GDAP2: variants seen among roughly 807,000 people sequenced by gnomAD.
GDAP2 encodes ganglioside-induced differentiation-associated protein 2.
Under a neutral mutation model 67.0 loss-of-function variants are expected in GDAP2, and 51 were observed. The ratio of observed to expected loss-of-function variants is 0.76; its 90% CI spans 0.61 to 0.96. The LOEUF is 0.96. Among genes scored for constraint, GDAP2 ranks in the 40% least tolerant of loss-of-function variants. The pLI, the probability that GDAP2 is intolerant of heterozygous loss-of-function variation, is 0.00. For missense variants in GDAP2, 547 were observed against 588.3 expected (o/e 0.93, Z 0.73); for synonymous variants, 203 against 207.3 (o/e 0.98, Z 0.18).
intron 13 of GDAP2, among the ~76,000 whole-genome samples, chr1:117,874,070 T>TGCAGCACTAATATGTAAAGTTACTGTA (rs1648378497): frequency 6.6e-6 from 1 of 152,192 alleles, no homozygotes; most frequent in Non-Finnish European, 1.5e-5. Flanking sequence ...GCCAAAGACC[T>TGCAGCACTAATATGTAAAGTTACTGTA]GCAGCACTAA....
chr1:117,926,889 T>C (rs1650462767), intron 1 of GDAP2, among the ~76,000 whole-genome samples: 1 of 152,092 alleles, frequency 6.6e-6, no homozygotes, highest in Admixed American at 6.5e-5. Context: ...CAGTAATCTA[T>C]AGCCACAGCC....
At chr1:117,924,097 A>G (rs1183112638) in intron 1 of GDAP2, among the ~76,000 whole-genome samples, 4 of 152,182 alleles carry the variant, frequency 2.6e-5, no homozygotes, top group Admixed American at 2.6e-4. Context: ...GGAGGCACAT[A>G]ATTTCGAGTC....
chr1:117,925,852 A>T (rs555722202), intron 1 of GDAP2, among the ~76,000 whole-genome samples: 1 of 152,128 alleles, frequency 6.6e-6, no homozygotes, highest in Non-Finnish European at 1.5e-5. Flanking sequence ...CTTCCCTCCA[A>T]CTCAAAATCA....
intron 5 of GDAP2, among the ~76,000 whole-genome samples, chr1:117,908,102 CTT>C (rs1649723068): frequency 6.6e-6 from 1 of 151,964 alleles, no homozygotes; most frequent in Admixed American, 6.6e-5. Context: ...CCACCATTCT[CTT>C]CTTTTGGTGA....
At chr1:117,877,636 T>C in intron 13 of GDAP2, 2 of 1,000,918 alleles carry the variant, frequency 2.0e-6, no homozygotes, top group Non-Finnish European at 2.4e-6. Flanking sequence ...TTGCAATTAA[T>C]TCTAAAAGTG....
At chr1:117,887,827 A>C in intron 8 of GDAP2, 53 bp from the exon 9 acceptor site, 1 of 1,036,782 alleles carries the variant, frequency 9.6e-7, no homozygotes, top group Non-Finnish European at 1.5e-6. Flanking sequence ...AATTAAATTT[A>C]CAAATGGGAC....
chr1:117,920,358 G>T lies in GDAP2; in HGVS notation c.-1C>A. The T allele has an allele frequency of 6.3e-7, 1 of 1,583,124 alleles. No individual in the cohort carries two copies. The highest frequency in any genetic ancestry group is 8.6e-7 in the Non-Finnish European group (1 of 1,164,896). On this transcript the variant is annotated 5_prime_UTR_variant, in exon 2 of 14. Transcript: ENST00000369443. Reference sequence around the variant, plus strand: ...GGGAAGGTGCACCTAAGGGATCCATGGAATGGGAACTTTGATTTGTCTTTT... The same window carrying T: ...GGGAAGGTGCACCTAAGGGATCCATTGAATGGGAACTTTGATTTGTCTTTT...
rs1191575666 is a variant in GDAP2 at position 117,917,608 on chromosome 1, C to T, written c.316+989G>A. 3.3e-5 allele frequency among the ~76,000 whole-genome samples: 5 copies of T among 152,198 alleles called. No individual in the cohort carries two copies. The East Asian group carries it at 9.6e-4, about 29-fold the overall frequency. ...AAGCTCAGACTCAGAGGTGAAGTAA[C>T]CAGTCTTAAGTCACACAGTTATTAA... On this transcript the variant is annotated intron_variant, in intron 3 of 13. Coordinates refer to ENST00000369443, the MANE Select transcript of GDAP2 (RefSeq NM_017686.4).
chr1:117,883,636 T>C lies in GDAP2; in HGVS notation c.1108-9A>G, dbSNP rs1234651911. The C allele has an allele frequency of 4.4e-6, 7 of 1,590,064 alleles. No homozygotes were observed. Among genetic ancestry groups the C allele is most frequent in the African/African-American group, 1.3e-5 (1 of 74,302 alleles). On this transcript the variant is annotated splice_polypyrimidine_tract_variant and intron_variant, in intron 10 of 13. Coordinates refer to ENST00000369443, the MANE Select transcript of GDAP2 (RefSeq NM_017686.4). ...ATGAAATATAAGAGAGCCTAAAAGA[T>C]AAAAGGGGAATAAAGGTGAAGATCA...
At chr1:117,897,053 A>G (rs1259095930) in intron 7 of GDAP2, 64 bp from the exon 8 acceptor site, 15 of 1,167,386 alleles carry the variant, frequency 1.3e-5, no homozygotes, top group Non-Finnish European at 1.8e-5. Flanking sequence ...AACATTGTGA[A>G]TGCTGCAGTA....
At chr1:117,921,643 C>T (rs533143916) in intron 1 of GDAP2, among the ~76,000 whole-genome samples, 1 of 152,114 alleles carries the variant, frequency 6.6e-6, no homozygotes, top group African/African-American at 2.4e-5. Context: ...GAGGGAAAAA[C>T]CAGAGGATAC....
At position 117,865,313 on chromosome 1, in the gene GDAP2, A is replaced by G. The variant is rs142164585; in HGVS notation, c.*5256T>C. ...TTTCACTATTGATTCTTCATAGGCT[A>G]TATTTGTATAGAGTGAGACCCTCTT... On this transcript the variant is annotated 3_prime_UTR_variant, in exon 14 of 14. Coordinates refer to ENST00000369443, the MANE Select transcript of GDAP2 (RefSeq NM_017686.4). The G allele has an allele frequency of 1.3e-5, 2 of 152,346 alleles. No homozygotes were observed. The highest frequency in any genetic ancestry group is 1.9e-4 in the East Asian group (1 of 5,182). 9.4% of individuals were successfully genotyped at this position (152,346 alleles called of 1,614,324 possible). A position where few individuals can be genotyped will look rare whatever the true frequency, so the allele number is the denominator to read the frequency against.
Position 117,868,307 on chromosome 1 carries a change from T to C in GDAP2, c.*2262A>G, listed in dbSNP as rs1440355694. 1 of 152,098 alleles carries C rather than the reference T, an allele frequency of 6.6e-6. No individual in the cohort carries two copies. The highest frequency in any genetic ancestry group is 6.6e-5 in the Admixed American group (1 of 15,262). The allele number at this position is 152,098 out of a possible 1,614,324, so 9.4% of individuals were successfully genotyped here. A position where few individuals can be genotyped will look rare whatever the true frequency, so the allele number is the denominator to read the frequency against. On this transcript the variant is annotated 3_prime_UTR_variant, in exon 14 of 14. Coordinates refer to ENST00000369443, the MANE Select transcript of GDAP2 (RefSeq NM_017686.4). The stretch of plus-strand genomic sequence containing the variant: ...TCAAATTTAGTTTCAGTGAGAAGAG[T>C]GGTCCTTATCTTTCTTTAGTCATCA...
At chr1:117,907,190 T>G (rs752863596) in intron 5 of GDAP2, among the ~76,000 whole-genome samples, 1 of 152,188 alleles carries the variant, frequency 6.6e-6, no homozygotes, top group Non-Finnish European at 1.5e-5. Flanking sequence ...AGTTCTTAAC[T>G]CATTGGATCT....
intron 3 of GDAP2, among the ~76,000 whole-genome samples, chr1:117,917,873 T>G (rs1246853704): frequency 1.3e-5 from 2 of 152,216 alleles, no homozygotes; most frequent in Non-Finnish European, 2.9e-5. Flanking sequence ...AGTTTCTACA[T>G]GTTCTTCATG....
chr1:117,925,771 C>G (rs537010248), intron 1 of GDAP2, among the ~76,000 whole-genome samples: 2 of 152,110 alleles, frequency 1.3e-5, no homozygotes, highest in Non-Finnish European at 2.9e-5. Context: ...AAGGGTAATT[C>G]TCCTAAGATT....
chr1:117,887,456 T>C (rs1361831268), intron 9 of GDAP2, among the ~76,000 whole-genome samples: 3 of 152,160 alleles, frequency 2.0e-5, no homozygotes, highest in Non-Finnish European at 1.5e-5. Context: ...AGCAGAAACA[T>C]TTTTTAAAAG....
intron 5 of GDAP2, among the ~76,000 whole-genome samples, chr1:117,907,940 C>G (rs116332965): frequency 6.8e-4 from 104 of 152,250 alleles, no homozygotes; most frequent in African/African-American, 2.5e-3. Context: ...TCCACTTTCC[C>G]CCACTCAGCT....
intron 2 of GDAP2, 101 bp downstream of exon 2, chr1:117,920,081 G>A (rs1169106755): frequency 1.2e-4 from 83 of 669,432 alleles, no homozygotes; most frequent in East Asian, 6.6e-4. Flanking sequence ...ATACGTATAC[G>A]CAAAGCTGTA....
Sources: allele counts gnomAD v4.1 joint callset (sites outside exome capture counted in the v4.1 genomes callset), GRCh38; gene constraint gnomAD v4.1.1; transcripts MANE v1.5; gene names NCBI Gene and HGNC (gene_info 2026-07-23, HGNC 2026-07-21).